The following LGI2 variants were observed in gnomAD, a reference collection of about 807,000 sequenced individuals.
The protein encoded by LGI2 is leucine rich repeat LGI family member 2.
LGI2 carries 30 observed loss-of-function variants against 52.0 expected under a neutral mutation model. That is an observed-to-expected ratio of 0.58 (90% CI 0.43 to 0.78). The LOEUF is 0.78. Among genes scored for constraint, LGI2 ranks in the 30% least tolerant of loss-of-function variants. The probability of loss-of-function intolerance (pLI) is 0.00; values close to 1 mark genes in which losing one functional copy is unlikely to be tolerated. For synonymous variants in LGI2, 270 were observed against 271.8 expected (o/e 0.99, Z 0.06); for missense variants, 573 against 692.5 (o/e 0.83, Z 1.94).
At chr4:25,008,553 CAAAA>C (rs33920247) in intron 7 of LGI2, among the ~76,000 whole-genome samples, 12 of 86,000 alleles carry the variant, frequency 1.4e-4, no homozygotes, top group African/African-American at 3.1e-4. Context: ...GACTCTGTCT[CAAAA>C]AAAAAAAAAA....
intron 2 of LGI2, among the ~76,000 whole-genome samples, chr4:25,027,724 A>G (rs550427758): frequency 9.8e-5 from 15 of 152,336 alleles, no homozygotes; most frequent in African/African-American, 3.6e-4. Flanking sequence ...CTCATCTCAA[A>G]TTTAAGAAAC....
intron 7 of LGI2, among the ~76,000 whole-genome samples, chr4:25,006,444 A>G (rs1434610379): frequency 2.0e-5 from 3 of 152,198 alleles, no homozygotes; most frequent in Non-Finnish European, 4.4e-5. Flanking sequence ...TTCCATTTCT[A>G]TCCTAAGGAT....
At position 25,018,405 on chromosome 4, in the gene LGI2, G is replaced by A. The variant is rs541351283; in HGVS notation, c.486-247C>T. Among the ~76,000 whole-genome samples the A allele has an allele frequency of 1.3e-3, 203 of 152,276 alleles. 1 individual carries two copies. Among genetic ancestry groups the A allele is most frequent in the African/African-American group, 4.7e-3 (194 of 41,546 alleles). On this transcript the variant is annotated intron_variant, in intron 5 of 7. Transcript: ENST00000382114. Reference sequence around the variant, plus strand: ...GTATAATGTCCAGAGAGCTCTCAGCGAGGACATATCATCTCTCCAAATGCT... The same window carrying A: ...GTATAATGTCCAGAGAGCTCTCAGCAAGGACATATCATCTCTCCAAATGCT...
chr4:25,012,265 A>G (rs1005667315), intron 7 of LGI2, 70 bp downstream of exon 7: 167 of 1,546,664 alleles, frequency 1.1e-4, no homozygotes, highest in Middle Eastern at 1.8e-4. Flanking sequence ...TACAGAGGAC[A>G]TTCCTCCTCC....
chr4:25,008,551 C>G (rs1316151780), intron 7 of LGI2, among the ~76,000 whole-genome samples: 1 of 65,502 alleles, frequency 1.5e-5, no homozygotes, highest in African/African-American at 4.8e-5. Flanking sequence ...GAGACTCTGT[C>G]TCAAAAAAAA....
chr4:24,998,952 C>T lies in LGI2; in HGVS notation c.*4499G>A, dbSNP rs1725158696. The T allele has an allele frequency of 6.6e-6, 1 of 152,130 alleles. No individual in the cohort carries two copies. 9.4% of individuals were successfully genotyped at this position (152,130 alleles called of 1,614,324 possible). A position where few individuals can be genotyped will look rare whatever the true frequency, so the allele number is the denominator to read the frequency against. On this transcript the variant is annotated 3_prime_UTR_variant, in exon 8 of 8. Coordinates refer to ENST00000382114, the MANE Select transcript of LGI2 (RefSeq NM_018176.4). ...CAAAAAGAGCTAAATATGTATACAG[C>T]CTAAAATACATCCACTGTAGTCTGC... is the stretch of plus-strand genomic sequence containing the variant.
At chr4:25,023,068 T>TTGATGATGATGATGATGATGA (rs59366282) in intron 4 of LGI2, among the ~76,000 whole-genome samples, 4 of 151,032 alleles carry the variant, frequency 2.6e-5, no homozygotes, top group South Asian at 2.1e-4. Flanking sequence ...TATGTTGATG[T>TTGATGATGATGATGATGATGA]TGATGATGAT....
rs186461858 is a variant in LGI2 at position 25,012,095 on chromosome 4, C to T, written c.820+240G>A. ...ACTAGAAAATGCCTCCCACCACATG[C>T]AACCCGTAAATGATCATCAATAATA... On this transcript the variant is annotated intron_variant, in intron 7 of 7. Coordinates refer to ENST00000382114, the MANE Select transcript of LGI2 (RefSeq NM_018176.4). Among the ~76,000 whole-genome samples the T allele has an allele frequency of 1.1e-4, 17 of 152,294 alleles. No individual in the cohort carries two copies. In the East Asian group the frequency reaches 3.1e-3, roughly 28 times the overall value.
At chr4:25,028,462 C>A (rs773389689) in intron 2 of LGI2, 45 bp downstream of exon 2, 2 of 1,572,730 alleles carry the variant, frequency 1.3e-6, no homozygotes, top group Non-Finnish European at 1.7e-6. Flanking sequence ...CCAAGGATGG[C>A]ACCTCAGGGC....
At chr4:25,017,919 T>C (rs1353467449) in intron 6 of LGI2, 70 bp downstream of exon 6, 1 of 1,343,920 alleles carries the variant, frequency 7.4e-7, no homozygotes, top group Admixed American at 2.5e-5. Flanking sequence ...CCAGTCTCTG[T>C]TGACAGTGTA....
the LGI2 span, among the ~76,000 whole-genome samples, chr4:24,993,781 A>G: frequency 6.6e-6 from 1 of 152,214 alleles, no homozygotes; most frequent in Non-Finnish European, 1.5e-5. Flanking sequence ...CCAGGCTAGA[A>G]CCTACCATCG....
chr4:25,022,288 GA>G (rs1560293758), intron 4 of LGI2, among the ~76,000 whole-genome samples: 1 of 152,202 alleles, frequency 6.6e-6, no homozygotes, highest in African/African-American at 2.4e-5. Context: ...GACTTTGAAA[GA>G]AAAGGCAGAT....
rs1232354823 is a variant in LGI2 at position 25,018,041 on chromosome 4, C to T, written c.603G>A (p.Gln201=). The change falls in exon 6 of 8, where the codon CAG becomes CAA. Residue 201 remains glutamine (Q), a synonymous_variant. Coordinates refer to ENST00000382114, the MANE Select transcript of LGI2 (RefSeq NM_018176.4). ...TGGTCACGTCATTTAGCTTCTTTTC[C>T]TGATACTCTGGTGGACCAATACACA... The part of the protein sequence containing the change: ...DVLCIGPPEY[Q]EKKLNDVTSF... 1.9e-6 allele frequency: 3 copies of T among 1,613,234 alleles called. No individual in the cohort carries two copies. The highest frequency in any genetic ancestry group is 2.5e-6 in the Non-Finnish European group (3 of 1,179,740).
At chr4:25,023,371 A>G (rs1175134574) in intron 4 of LGI2, among the ~76,000 whole-genome samples, 1 of 152,178 alleles carries the variant, frequency 6.6e-6, no homozygotes, top group Non-Finnish European at 1.5e-5. Flanking sequence ...AAAAACAATA[A>G]AGGCTTTTAT....
chr4:24,998,486 C>T (rs1255583536), downstream of LGI2, among the ~76,000 whole-genome samples: 1 of 152,176 alleles, frequency 6.6e-6, no homozygotes, highest in Non-Finnish European at 1.5e-5. Context: ...GCTCTGTCCT[C>T]AGGAGTTCAT....
At chr4:25,026,514 C>T (rs1049470374) in intron 3 of LGI2, among the ~76,000 whole-genome samples, 32 of 152,148 alleles carry the variant, frequency 2.1e-4, no homozygotes, top group Admixed American at 2.0e-4. Flanking sequence ...CCCTCAGAAC[C>T]CCGCAGCTCT....
the LGI2 span, among the ~76,000 whole-genome samples, chr4:24,992,238 G>A: frequency 6.6e-6 from 1 of 152,148 alleles, no homozygotes; most frequent in African/African-American, 2.4e-5. Flanking sequence ...AACACAAGGG[G>A]GTTGGAGTAA....
chr4:25,012,252 C>T, intron 7 of LGI2, 83 bp downstream of exon 7: 1 of 1,484,598 alleles, frequency 6.7e-7, no homozygotes, highest in Non-Finnish European at 9.3e-7. Context: ...AGCTCTCCCT[C>T]AATACAGAGG....
intron 3 of LGI2, among the ~76,000 whole-genome samples, chr4:25,025,637 AG>A (rs1726121952): frequency 1.3e-5 from 2 of 152,240 alleles, no homozygotes; most frequent in East Asian, 3.8e-4. Context: ...CTCTAGGCTC[AG>A]GGAGAACTAA....
Sources: allele counts gnomAD v4.1 joint callset (sites outside exome capture counted in the v4.1 genomes callset), GRCh38; gene constraint gnomAD v4.1.1; transcripts MANE v1.5; gene names NCBI Gene and HGNC (gene_info 2026-07-23, HGNC 2026-07-21).